The following UTRN variants were observed in gnomAD, a reference collection of about 807,000 sequenced individuals.
The protein encoded by UTRN is dystrophin-related protein 1.
Under a neutral mutation model 463.9 loss-of-function variants are expected in UTRN, and 283 were observed. The ratio of observed to expected loss-of-function variants is 0.61; its 90% confidence interval spans 0.55 to 0.67. The LOEUF (loss-of-function observed/expected upper bound fraction) is 0.67, where lower values mean the gene tolerates loss of function less well. Ranked by LOEUF, UTRN falls within the 30% of genes least tolerant of loss-of-function variation. The pLI is 0.00. For missense variants in UTRN, 3,922 were observed against 4,084.3 expected (o/e 0.96, Z 1.08); for synonymous variants, 1,442 against 1,431.5 (o/e 1.01, Z -0.17).
chr6:144,765,436 C>T (rs139579149), intron 58 of UTRN, among the ~76,000 whole-genome samples: 51 of 152,228 alleles, frequency 3.4e-4, no homozygotes, highest in Admixed American at 5.9e-4. Context: ...GTTTCAGAGA[C>T]AGGGTCTCAC....
chr6:144,444,959 T>G (rs967095932), intron 14 of UTRN, among the ~76,000 whole-genome samples: 2 of 152,240 alleles, frequency 1.3e-5, no homozygotes, highest in African/African-American at 4.8e-5. Flanking sequence ...GGTGGCTCTT[T>G]GCCTGTTCTC....
At chr6:144,351,810 G>T (rs1778132748) in intron 2 of UTRN, among the ~76,000 whole-genome samples, 1 of 152,148 alleles carries the variant, frequency 6.6e-6, no homozygotes, top group Non-Finnish European at 1.5e-5. Flanking sequence ...GGGCTGTGTG[G>T]CACTTGTAAG....
chr6:144,801,663 A>G (rs1777710034), intron 64 of UTRN, among the ~76,000 whole-genome samples: 2 of 152,196 alleles, frequency 1.3e-5, no homozygotes, highest in African/African-American at 4.8e-5. Context: ...TGTTTCAGTT[A>G]GAATCATACA....
At chr6:144,670,910 G>A (rs1780946246) in intron 51 of UTRN, among the ~76,000 whole-genome samples, 1 of 152,014 alleles carries the variant, frequency 6.6e-6, no homozygotes, top group African/African-American at 2.4e-5. Context: ...CCCACTTTAT[G>A]CTTGTGTTTG....
chr6:144,821,133 A>G, intron 66 of UTRN, 115 bp downstream of exon 66: 1 of 1,291,294 alleles, frequency 7.7e-7, no homozygotes. Flanking sequence ...AGAGGAGGTA[A>G]ATTAAACTTG....
At chr6:144,740,952 G>A (rs968943420) in intron 54 of UTRN, among the ~76,000 whole-genome samples, 1 of 152,110 alleles carries the variant, frequency 6.6e-6, no homozygotes, top group African/African-American at 2.4e-5. Flanking sequence ...TCGTTTACAC[G>A]TGTGTATTTT....
chr6:144,520,166 C>T lies in UTRN; in HGVS notation c.5542-1814C>T, dbSNP rs149356575. ...GTCCCACTTTCCTCTTTTACTTTTT[C>T]GACATGATTACTCAACCTAGAAATA... On this transcript the variant is annotated intron_variant, in intron 39 of 74. Coordinates refer to ENST00000367545, the MANE Select transcript of UTRN (RefSeq NM_007124.3). 1.2e-3 allele frequency among the ~76,000 whole-genome samples: 183 copies of T among 152,188 alleles called. 1 individual carries two copies. The highest frequency in any genetic ancestry group is 4.3e-3 in the African/African-American group (180 of 41,530).
At chr6:144,511,185 G>C in intron 35 of UTRN, 62 bp downstream of exon 35, 2 of 1,367,726 alleles carry the variant, frequency 1.5e-6, no homozygotes, top group Non-Finnish European at 1.9e-6. Flanking sequence ...TTTTTTAAAT[G>C]AATACAACTT....
At chr6:144,833,102 G>A (rs1586760244) in intron 69 of UTRN, among the ~76,000 whole-genome samples, 1 of 152,196 alleles carries the variant, frequency 6.6e-6, no homozygotes, top group South Asian at 2.1e-4. Context: ...TTACAGGCGT[G>A]AGCCACCGTG....
chr6:144,348,333 T>A (rs181224663), intron 2 of UTRN, among the ~76,000 whole-genome samples: 1 of 152,254 alleles, frequency 6.6e-6, no homozygotes. Context: ...GAAAGGATGG[T>A]GTGTGAAGTG....
chr6:144,821,517 T>C (rs1288693448), intron 66 of UTRN, among the ~76,000 whole-genome samples: 2 of 151,688 alleles, frequency 1.3e-5, no homozygotes, highest in African/African-American at 4.9e-5. Flanking sequence ...TAATCTATTT[T>C]TTATTGAAAA....
chr6:144,767,371 T>TTCTAATGATA (rs1033576743), intron 58 of UTRN, among the ~76,000 whole-genome samples: 4 of 152,192 alleles, frequency 2.6e-5, no homozygotes, highest in African/African-American at 9.7e-5. Flanking sequence ...TTTGTAATGA[T>TTCTAATGATA]TCTAATGATA....
intron 65 of UTRN, among the ~76,000 whole-genome samples, chr6:144,805,390 TAAAG>T (rs1381669357): frequency 1.3e-5 from 2 of 152,164 alleles, no homozygotes; most frequent in Non-Finnish European, 2.9e-5. Flanking sequence ...ACATTTTAGA[TAAAG>T]AAATCAGTAA....
At chr6:144,642,790 G>C (rs1241844098) in intron 51 of UTRN, among the ~76,000 whole-genome samples, 1 of 152,126 alleles carries the variant, frequency 6.6e-6, no homozygotes, top group South Asian at 2.1e-4. Flanking sequence ...ATATTGGTAT[G>C]GTTTTTTAAT....
intron 23 of UTRN, among the ~76,000 whole-genome samples, chr6:144,472,338 GC>G (rs1273350195): frequency 6.7e-6 from 1 of 148,946 alleles, no homozygotes; most frequent in Admixed American, 6.7e-5. Flanking sequence ...GGAGGAGGAA[GC>G]CTAGATTATT....
At chr6:144,779,358 T>G (rs1456700423) in intron 60 of UTRN, among the ~76,000 whole-genome samples, 1 of 152,206 alleles carries the variant, frequency 6.6e-6, no homozygotes, top group African/African-American at 2.4e-5. Flanking sequence ...GAAAACTGTG[T>G]ACAGTTGACC....
intron 51 of UTRN, among the ~76,000 whole-genome samples, chr6:144,614,911 A>G (rs1253465406): frequency 1.3e-5 from 2 of 152,188 alleles, no homozygotes; most frequent in African/African-American, 4.8e-5. Flanking sequence ...GATAACGTGT[A>G]GCTTTCAATA....
intron 46 of UTRN, among the ~76,000 whole-genome samples, chr6:144,547,494 T>A (rs892915743): frequency 2.6e-5 from 4 of 152,228 alleles, no homozygotes; most frequent in South Asian, 2.1e-4. Context: ...ATTTAGGTCC[T>A]TAATCCACTA....
chr6:144,466,190 G>C (rs1287082981), intron 23 of UTRN, among the ~76,000 whole-genome samples: 1 of 152,230 alleles, frequency 6.6e-6, no homozygotes, highest in Non-Finnish European at 1.5e-5. Context: ...TCCAGATAGA[G>C]TTTGGAAGTG....
Sources: allele counts gnomAD v4.1 joint callset (sites outside exome capture counted in the v4.1 genomes callset), GRCh38; gene constraint gnomAD v4.1.1; transcripts MANE v1.5; gene names NCBI Gene and HGNC (gene_info 2026-07-23, HGNC 2026-07-21).